Variants in KIAA1549L observed in about 807,000 individuals in gnomAD.
The protein encoded by KIAA1549L is KIAA1549 like, also known as UPF0606 protein KIAA1549L.
Under a neutral mutation model 160.7 loss-of-function variants are expected in KIAA1549L, and 88 were observed. That is an observed-to-expected ratio of 0.55 (90% CI 0.46 to 0.65). KIAA1549L has a LOEUF of 0.65. KIAA1549L is among the 30% of genes least tolerant of loss of function. The pLI is 0.00. For synonymous variants in KIAA1549L, 950 were observed against 976.7 expected (o/e 0.97, Z 0.51); for missense variants, 2,258 against 2,437.5 (o/e 0.93, Z 1.55).
intron 1 of KIAA1549L, among the ~76,000 whole-genome samples, chr11:33,442,667 T>G (rs534228042): frequency 6.6e-6 from 1 of 152,220 alleles, no homozygotes; most frequent in Non-Finnish European, 1.5e-5. Flanking sequence ...TTTATTCTGC[T>G]TGGCATTTAT....
intron 1 of KIAA1549L, among the ~76,000 whole-genome samples, chr11:33,406,797 T>C (rs1408839424): frequency 6.6e-6 from 1 of 152,216 alleles, no homozygotes; most frequent in Non-Finnish European, 1.5e-5. Flanking sequence ...TTCGTATTCT[T>C]CATTTTTGGG....
At position 33,382,563 on chromosome 11, in the gene KIAA1549L, A is replaced by G. The variant is rs150068330; in HGVS notation, c.238+5674A>G. On this transcript the variant is annotated intron_variant, in intron 1 of 20. Transcript: ENST00000658780. Reference sequence around the variant, plus strand: ...GAGGGTTAAGATGAGGTCTAATTATATGTGTTCACACTTTCTCATTTTTAA... The same window carrying G: ...GAGGGTTAAGATGAGGTCTAATTATGTGTGTTCACACTTTCTCATTTTTAA... Among the ~76,000 whole-genome samples, 118 of 152,240 alleles carry G rather than the reference A, an allele frequency of 7.8e-4. 1 individual carries two copies. The East Asian group carries it at 0.02, about 26-fold the overall frequency.
chr11:33,448,070 A>G (rs1204092406), intron 1 of KIAA1549L, among the ~76,000 whole-genome samples: 1 of 152,048 alleles, frequency 6.6e-6, no homozygotes, highest in East Asian at 1.9e-4. Context: ...TATTTTTTTT[A>G]ATTATTATTT....
chr11:33,603,699 G>A lies in KIAA1549L; in HGVS notation c.4880-2942G>A, dbSNP rs111827483. Among the ~76,000 whole-genome samples, 1,406 of 152,078 alleles carry A rather than the reference G, an allele frequency of 9.2e-3. 21 individuals carry two copies. Among genetic ancestry groups the A allele is most frequent in the African/African-American group, 0.032 (1,333 of 41,474 alleles). ...GCGGGGCCTGTAATCCCAGCTACTC[G>A]GGAGGCTGAGGCAGGAGAATCCCTT... On this transcript the variant is annotated intron_variant, in intron 13 of 20. Transcript: ENST00000658780.
intron 1 of KIAA1549L, among the ~76,000 whole-genome samples, chr11:33,422,560 TCTCC>T (rs1286907540): frequency 3.8e-5 from 4 of 104,822 alleles, no homozygotes; most frequent in African/African-American, 1.5e-4. Flanking sequence ...CCCCCCCTCC[TCTCC>T]CTCCCTCCCT....
chr11:33,649,592 G>A (rs1307690265), intron 17 of KIAA1549L, among the ~76,000 whole-genome samples: 7 of 151,646 alleles, frequency 4.6e-5, no homozygotes, highest in African/African-American at 1.7e-4. Context: ...GCCCTAGTAA[G>A]GGAGGCATCT....
At chr11:33,660,615 CTCT>C (rs1852227323) in intron 19 of KIAA1549L, among the ~76,000 whole-genome samples, 2 of 152,140 alleles carry the variant, frequency 1.3e-5, no homozygotes. Context: ...TCCCACCTGC[CTCT>C]GTTGCTACAT....
In KIAA1549L at chr11:33,558,988, C is replaced by A. The variant is rs370036735; in HGVS notation, c.3856-761C>A. On this transcript the variant is annotated intron_variant, in intron 6 of 20. Coordinates refer to ENST00000658780, the MANE Select transcript of KIAA1549L (RefSeq NM_012194.3). ...AGCTGGGATTACAGGCACATGCCAC[C>A]ATGCCCGGCTAATTTTTGTATTTTT... Among the ~76,000 whole-genome samples the A allele has an allele frequency of 1.5e-3, 233 of 151,920 alleles. 6 individuals carry two copies. In the South Asian group the frequency reaches 0.047, roughly 30 times the overall value.
intron 11 of KIAA1549L, among the ~76,000 whole-genome samples, chr11:33,586,740 A>G (rs1590370837): frequency 1.3e-5 from 2 of 152,232 alleles, no homozygotes; most frequent in South Asian, 4.2e-4. Context: ...TACTATCTAT[A>G]GGATACCTAT....
At chr11:33,435,794 A>ATG (rs1447364209) in intron 1 of KIAA1549L, among the ~76,000 whole-genome samples, 2 of 32,356 alleles carry the variant, frequency 6.2e-5, no homozygotes, top group African/African-American at 4.4e-4. Flanking sequence ...ATATATATAT[A>ATG]TATATATATA....
At position 33,666,834 on chromosome 11, in the gene KIAA1549L, C is replaced by T. The variant is rs745959109; in HGVS notation, c.6160-1039C>T. The stretch of plus-strand genomic sequence containing the variant: ...TGCAAAGAGTGTCTTGGTAGCTTGT[C>T]GCCTTAGACCGTGGCACTCTTCAGT... On this transcript the variant is annotated intron_variant, in intron 20 of 20. Transcript: ENST00000658780. Among the ~76,000 whole-genome samples, 10 of 152,166 alleles carry T rather than the reference C, an allele frequency of 6.6e-5. 1 individual carries two copies. The highest frequency in any genetic ancestry group is 6.2e-4 in the South Asian group (3 of 4,832).
Position 33,589,334 on chromosome 11 carries a change from A to G in KIAA1549L, c.4567-1903A>G, listed in dbSNP as rs1474241744. On this transcript the variant is annotated intron_variant, in intron 11 of 20. Coordinates refer to ENST00000658780, the MANE Select transcript of KIAA1549L (RefSeq NM_012194.3). ...GGTGGGACTGTAAACTAGTTCAACC[A>G]TTGTGGAAGTCGGTGTGGCGATTCC... is the stretch of plus-strand genomic sequence containing the variant. Among the ~76,000 whole-genome samples, 6 of 152,334 alleles carry G rather than the reference A, an allele frequency of 3.9e-5. No individual in the cohort carries two copies. In the South Asian group the frequency reaches 1.0e-3, roughly 26 times the overall value.
At chr11:33,644,960 G>A (rs556291347) in intron 16 of KIAA1549L, among the ~76,000 whole-genome samples, 2 of 152,360 alleles carry the variant, frequency 1.3e-5, no homozygotes, top group African/African-American at 4.8e-5. Context: ...GACCGTCCAT[G>A]CAGCCTGTTC....
At chr11:33,649,223 C>G (rs911065098) in intron 17 of KIAA1549L, among the ~76,000 whole-genome samples, 1 of 151,830 alleles carries the variant, frequency 6.6e-6, no homozygotes, top group East Asian at 1.9e-4. Flanking sequence ...TATAAGGAAG[C>G]TTACCCAAGG....
chr11:33,596,050 T>A (rs115278033), intron 12 of KIAA1549L, among the ~76,000 whole-genome samples: 3 of 152,186 alleles, frequency 2.0e-5, no homozygotes, highest in African/African-American at 7.2e-5. Context: ...GTGTAGTGAT[T>A]GGCCGTGATT....
chr11:33,602,129 G>C (rs564914645), intron 13 of KIAA1549L, among the ~76,000 whole-genome samples: 1 of 152,304 alleles, frequency 6.6e-6, no homozygotes, highest in South Asian at 2.1e-4. Context: ...ACCCTTTAAA[G>C]TATGCCCCCT....
At position 33,637,903 on chromosome 11, in the gene KIAA1549L, G is replaced by A. The variant is rs796339689; in HGVS notation, c.5410-7783G>A. Among the ~76,000 whole-genome samples, 47 of 152,288 alleles carry A rather than the reference G, an allele frequency of 3.1e-4. 1 individual carries two copies. The highest frequency in any genetic ancestry group is 1.0e-3 in the African/African-American group (43 of 41,556). ...GTTAGGACTTCAACATAAAAATTTT[G>A]TGGGGGACACAGTTCATTCTGTAAC... is the stretch of plus-strand genomic sequence containing the variant. On this transcript the variant is annotated intron_variant, in intron 16 of 20. Coordinates refer to ENST00000658780, the MANE Select transcript of KIAA1549L (RefSeq NM_012194.3).
chr11:33,590,565 G>A (rs1178806886), intron 11 of KIAA1549L, among the ~76,000 whole-genome samples: 1 of 152,186 alleles, frequency 6.6e-6, no homozygotes, highest in Non-Finnish European at 1.5e-5. Flanking sequence ...TCCCAGGAAT[G>A]CATTATAGGA....
Position 33,645,977 on chromosome 11 carries a change from G to A in KIAA1549L, c.5701G>A (p.Gly1901Arg), listed in dbSNP as rs767101653. Residue 1901 changes from glycine to arginine, a missense_variant, in exon 17 of 21, where the codon GGG (glycine) becomes AGG (arginine). By Grantham distance (125) the Gly-to-Arg change is moderately radical. Transcript: ENST00000658780. ...GGGGACCATGACGCGGCCCAGGGCC[G>A]GGGTGCAGTGGGTGCCGACCTACCG... is the stretch of plus-strand genomic sequence containing the variant. Reference protein sequence around the residue: ...APGTMTRPRAGVQWVPTYRPE... With the variant: ...APGTMTRPRARVQWVPTYRPE... 208 of 1,610,300 alleles carry A rather than the reference G, an allele frequency of 1.3e-4. No homozygotes were observed. Among genetic ancestry groups the A allele is most frequent in the Non-Finnish European group, 1.7e-4 (199 of 1,178,378 alleles).
Sources: gnomAD v4.1 joint callset for allele counts (sites outside exome capture counted in the v4.1 genomes callset) on GRCh38, gnomAD v4.1.1 for gene constraint, MANE v1.5 for transcripts, NCBI Gene and HGNC (gene_info 2026-07-23, HGNC 2026-07-21) for gene names.